The following TNIP1 variants were observed in gnomAD, a reference collection of about 807,000 sequenced individuals.
The protein encoded by TNIP1 is TNFAIP3-interacting protein 1.
A neutral mutation model predicts 86.6 loss-of-function variants in TNIP1; 22 were observed. That is an observed-to-expected ratio of 0.25 (90% CI 0.18 to 0.36). TNIP1 has a LOEUF of 0.36. TNIP1 is among the 10% of genes least tolerant of loss of function. The pLI is 1.00. For synonymous variants in TNIP1, 294 were observed against 313.0 expected, an observed-to-expected ratio of 0.94 and a Z score of 0.64; for missense variants, 709 against 820.6, an observed-to-expected ratio of 0.86 and a Z score of 1.66.
intron 1 of TNIP1, chr5:151,080,479 T>C (rs1763876912): frequency 6.6e-6 from 1 of 151,834 alleles, no homozygotes; most frequent in Admixed American, 6.6e-5. Flanking sequence ...ATAAAAATTA[T>C]TATTTTCCTC....
chr5:151,073,706 C>T (rs932342078), intron 1 of TNIP1, among the ~76,000 whole-genome samples: 2 of 151,266 alleles, frequency 1.3e-5, no homozygotes, highest in Non-Finnish European at 2.9e-5. Context: ...CCAGCCTGGG[C>T]AAAAAGCAAG....
intron 2 of TNIP1, among the ~76,000 whole-genome samples, chr5:151,064,426 C>T (rs967046483): frequency 7.2e-5 from 11 of 152,284 alleles, no homozygotes; most frequent in African/African-American, 2.2e-4. Flanking sequence ...GAAGGGGGCA[C>T]AGCAACTGGG....
rs149289495 is a variant in TNIP1 at position 151,063,716 on chromosome 5, C to T, written c.168G>A (p.Ala56=). 281 of 1,614,060 alleles carry T rather than the reference C, an allele frequency of 1.7e-4. No homozygotes were observed. The African/African-American group carries it at 3.1e-3, about 18-fold the overall frequency. ...GELLEESQME[A]TRLRQKAEEL... Reference sequence around the variant, plus strand: ...CCTCTGCCTTCTGCCGGAGCCTGGTCGCTTCCATCTGGGACTCTTCCAAAA... The same window carrying T: ...CCTCTGCCTTCTGCCGGAGCCTGGTTGCTTCCATCTGGGACTCTTCCAAAA... Residue 56 remains alanine, a synonymous_variant, in exon 3 of 18, where the codon GCG becomes GCA. Coordinates refer to ENST00000521591, the MANE Select transcript of TNIP1 (RefSeq NM_006058.5).
At chr5:151,030,823 G>A in intron 17 of TNIP1, 76 bp from the exon 18 acceptor site, 3 of 1,250,386 alleles carry the variant, frequency 2.4e-6, no homozygotes, top group Non-Finnish European at 3.4e-6. Flanking sequence ...GGAATGCAGT[G>A]CAGGAACAGT....
At chr5:151,037,307 T>C (rs1757835322) in intron 12 of TNIP1, 2 of 155,760 alleles carry the variant, frequency 1.3e-5, no homozygotes, top group Non-Finnish European at 2.8e-5. Flanking sequence ...AAACCTCCCC[T>C]TCCCTGAACA....
At chr5:151,058,180 CA>C (rs1760931693) in intron 5 of TNIP1, among the ~76,000 whole-genome samples, 1 of 152,190 alleles carries the variant, frequency 6.6e-6, no homozygotes, top group African/African-American at 2.4e-5. Context: ...CTCGGCCTCC[CA>C]AAGTACTGAG....
upstream of TNIP1, among the ~76,000 whole-genome samples, chr5:151,081,917 A>C (rs995260045): frequency 7.2e-5 from 11 of 152,366 alleles, no homozygotes; most frequent in African/African-American, 2.6e-4. Context: ...AAAAAGAAAG[A>C]AAGCTAAATT....
intron 6 of TNIP1, among the ~76,000 whole-genome samples, chr5:151,053,001 A>T (rs1760148850): frequency 6.6e-6 from 1 of 152,174 alleles, no homozygotes; most frequent in South Asian, 2.1e-4. Context: ...GGAAAACCAG[A>T]AGACAAGGCA....
chr5:151,036,468 A>G lies in TNIP1; in HGVS notation c.1395+322T>C, dbSNP rs567797523. 3.3e-5 allele frequency among the ~76,000 whole-genome samples: 5 copies of G among 152,336 alleles called. No homozygotes were observed. The South Asian group carries it at 1.0e-3, about 32-fold the overall frequency. On this transcript the variant is annotated intron_variant, in intron 13 of 17. Transcript: ENST00000521591. ...TTACTTTCTACTTGTGACAAATAATAAATGGTTTTTTCCAATTACAGCAGT... is the reference window on the plus strand; with the variant it reads ...TTACTTTCTACTTGTGACAAATAATGAATGGTTTTTTCCAATTACAGCAGT...
At position 151,056,883 on chromosome 5, in the gene TNIP1, C is replaced by A; in HGVS notation, c.510G>T (p.Val170=). The A allele has an allele frequency of 6.2e-7, 1 of 1,605,590 alleles. No homozygotes were observed. Among genetic ancestry groups the A allele is most frequent in the Non-Finnish European group, 8.5e-7 (1 of 1,176,596 alleles). ...GGCCGTGGTCCGGCTCCTCGGCACA[C>A]ACACTCAGCGTGGTCTCCAGGCGCT... ...HLQRLETTLS[V]CAEEPDHGQL... Residue 170 remains valine (V), a synonymous_variant, in exon 6 of 18, where the codon GTG becomes GTT. Transcript: ENST00000521591.
At chr5:151,048,627 A>G (rs534756064) in intron 8 of TNIP1, among the ~76,000 whole-genome samples, 1 of 152,316 alleles carries the variant, frequency 6.6e-6, no homozygotes, top group Non-Finnish European at 1.5e-5. Flanking sequence ...GGGGCATTCA[A>G]GGAAGACGAG....
At chr5:151,035,145 C>T in intron 14 of TNIP1, 78 bp from the exon 15 acceptor site, 1 of 1,490,414 alleles carries the variant, frequency 6.7e-7, no homozygotes, top group Non-Finnish European at 9.2e-7. Context: ...GCCTAACCAG[C>T]CACGAGGACT....
At chr5:151,083,572 C>T (rs951612490), upstream of TNIP1, among the ~76,000 whole-genome samples, 4 of 152,220 alleles carry the variant, frequency 2.6e-5, no homozygotes, top group South Asian at 6.2e-4. Context: ...CAGGTGCAAC[C>T]TCTTGTTCTT....
At chr5:151,033,080 C>T (rs554611367) in intron 16 of TNIP1, among the ~76,000 whole-genome samples, 8 of 124,888 alleles carry the variant, frequency 6.4e-5, no homozygotes, top group South Asian at 5.4e-4. Flanking sequence ...GAGCCGAGAT[C>T]GTATCACTGC....
intron 3 of TNIP1, among the ~76,000 whole-genome samples, chr5:151,062,489 T>C (rs926032476): frequency 6.6e-6 from 1 of 152,186 alleles, no homozygotes; most frequent in African/African-American, 2.4e-5. Flanking sequence ...CAGGCCTCAA[T>C]GATAAAGACA....
chr5:151,065,565 A>G (rs1762131269), intron 1 of TNIP1, among the ~76,000 whole-genome samples: 1 of 152,152 alleles, frequency 6.6e-6, no homozygotes, highest in Non-Finnish European at 1.5e-5. Flanking sequence ...ACACTTACTC[A>G]ATTAATGGTC....
chr5:151,084,675 C>T (rs1451631062), upstream of TNIP1, among the ~76,000 whole-genome samples: 1 of 152,084 alleles, frequency 6.6e-6, no homozygotes, highest in Non-Finnish European at 1.5e-5. Flanking sequence ...TTCCTCATTG[C>T]ATTAGGAGAA....
At chr5:151,038,333 A>G (rs1757969590) in intron 12 of TNIP1, among the ~76,000 whole-genome samples, 1 of 152,192 alleles carries the variant, frequency 6.6e-6, no homozygotes, top group South Asian at 2.1e-4. Context: ...TAACTCCTCC[A>G]GGCCCTCAGA....
At chr5:151,052,032 C>T (rs369736918) in intron 7 of TNIP1, 133 bp downstream of exon 7, 10 of 699,486 alleles carry the variant, frequency 1.4e-5, no homozygotes, top group Admixed American at 8.5e-5. Flanking sequence ...GATCAAGAGA[C>T]GTAACCTCCA....
Sources: allele counts gnomAD v4.1 joint callset (sites outside exome capture counted in the v4.1 genomes callset), GRCh38; gene constraint gnomAD v4.1.1; transcripts MANE v1.5; gene names NCBI Gene and HGNC (gene_info 2026-07-23, HGNC 2026-07-21).